The following ERBB4 variants were observed in gnomAD, a reference collection of about 807,000 sequenced individuals.
The protein encoded by ERBB4 is erb-b2 receptor tyrosine kinase 4.
Under a neutral mutation model 158.0 loss-of-function variants are expected in ERBB4, and 42 were observed. That is an observed-to-expected ratio of 0.27 (90% confidence interval 0.21 to 0.34). ERBB4 has a LOEUF of 0.34. ERBB4 is among the 10% of genes least tolerant of loss of function. The probability of loss-of-function intolerance (pLI) is 1.00; values close to 1 mark genes in which losing one functional copy is unlikely to be tolerated. For synonymous variants in ERBB4, 583 were observed against 558.7 expected (o/e 1.04, Z -0.61); for missense variants, 1,333 against 1,624.1 (o/e 0.82, Z 3.08).
chr2:211,834,937 C>G (rs749450560), intron 3 of ERBB4, among the ~76,000 whole-genome samples: 4 of 152,066 alleles, frequency 2.6e-5, no homozygotes, highest in Non-Finnish European at 4.4e-5. Context: ...AAAACCTATT[C>G]ATATATTTTA....
chr2:211,528,140 A>G, intron 20 of ERBB4, among the ~76,000 whole-genome samples: 1 of 152,056 alleles, frequency 6.6e-6, no homozygotes, highest in Admixed American at 6.5e-5. Context: ...ACACACACAG[A>G]CTGAAAATAA....
At chr2:211,593,237 CTT>C (rs1213705869) in intron 19 of ERBB4, among the ~76,000 whole-genome samples, 2 of 152,030 alleles carry the variant, frequency 1.3e-5, no homozygotes, top group Non-Finnish European at 2.9e-5. Context: ...AGCTAACAAA[CTT>C]GAAGAAGAGA....
rs140328568 is a variant in ERBB4, at chr2:212,428,293, T to C, written c.82+110156A>G. ...GTGGTTGGAACAATGCTTTAATTCA[T>C]CTTTCTTATCAGCTTATGTTTTGTA... On this transcript the variant is annotated intron_variant, in intron 1 of 27. Coordinates refer to ENST00000342788, the MANE Select transcript of ERBB4 (RefSeq NM_005235.3). 1.2e-3 allele frequency among the ~76,000 whole-genome samples: 177 copies of C among 152,310 alleles called. 2 individuals carry two copies. Among genetic ancestry groups the C allele is most frequent in the African/African-American group, 3.9e-3 (161 of 41,570 alleles).
intron 5 of ERBB4, among the ~76,000 whole-genome samples, chr2:211,745,922 T>G (rs760134774): frequency 1.6e-4 from 25 of 152,138 alleles, no homozygotes; most frequent in Non-Finnish European, 3.1e-4. Flanking sequence ...CAGGAAACAG[T>G]TGTCTCTAGA....
At chr2:211,945,984 T>G (rs1369306583) in intron 3 of ERBB4, among the ~76,000 whole-genome samples, 3 of 152,034 alleles carry the variant, frequency 2.0e-5, no homozygotes, top group Admixed American at 6.6e-5. Context: ...ATTTTTAGAT[T>G]CCTAATTTCA....
At chr2:211,833,942 G>A (rs929406381) in intron 3 of ERBB4, among the ~76,000 whole-genome samples, 2 of 152,038 alleles carry the variant, frequency 1.3e-5, no homozygotes, top group Non-Finnish European at 2.9e-5. Context: ...CTGTACCCCA[G>A]TTCACTGGAT....
chr2:212,069,515 C>T (rs2139941), intron 2 of ERBB4, among the ~76,000 whole-genome samples: 125,651 of 151,778 alleles, frequency 0.83, 53,572 homozygotes, highest in East Asian at 1. Context: ...AAGGCAAATA[C>T]GTTTACTCCT....
At chr2:211,883,926 A>G (rs2078728712) in intron 3 of ERBB4, among the ~76,000 whole-genome samples, 1 of 152,238 alleles carries the variant, frequency 6.6e-6, no homozygotes, top group African/African-American at 2.4e-5. Context: ...AATTCTATCC[A>G]TGAGGGACTG....
At position 212,322,798 on chromosome 2, in the gene ERBB4, G is replaced by T. The variant is rs543856602; in HGVS notation, c.83-197895C>A. On this transcript the variant is annotated intron_variant, in intron 1 of 27. Coordinates refer to ENST00000342788, the MANE Select transcript of ERBB4 (RefSeq NM_005235.3). ...GGGCTACAAATAATTTTGAATAGTGGATCATTATTGATATTATGGAAGCAT... is the reference window on the plus strand; with the variant it reads ...GGGCTACAAATAATTTTGAATAGTGTATCATTATTGATATTATGGAAGCAT... Among the ~76,000 whole-genome samples the T allele has an allele frequency of 5.3e-5, 8 of 150,486 alleles. No homozygotes were observed. The South Asian group carries it at 1.7e-3, about 32-fold the overall frequency.
chr2:211,424,983 A>AT (rs1354458476), intron 22 of ERBB4, among the ~76,000 whole-genome samples: 2 of 152,134 alleles, frequency 1.3e-5, no homozygotes, highest in Non-Finnish European at 2.9e-5. Context: ...TGGGACATTG[A>AT]TTTTCTCTGC....
At chr2:211,730,563 A>T (rs1318330944) in intron 5 of ERBB4, among the ~76,000 whole-genome samples, 2 of 151,970 alleles carry the variant, frequency 1.3e-5, no homozygotes, top group Non-Finnish European at 2.9e-5. Flanking sequence ...AGATCAACTA[A>T]CAGTCTTTCA....
chr2:211,775,744 C>A (rs918617901), intron 4 of ERBB4, among the ~76,000 whole-genome samples: 3 of 152,170 alleles, frequency 2.0e-5, no homozygotes, highest in Admixed American at 2.0e-4. Context: ...TTCAACCAAG[C>A]ACTCTGCTCT....
At chr2:211,730,843 C>T (rs2074404532) in intron 5 of ERBB4, among the ~76,000 whole-genome samples, 1 of 152,042 alleles carries the variant, frequency 6.6e-6, no homozygotes, top group Non-Finnish European at 1.5e-5. Context: ...TTCCAATATT[C>T]AGTCTAGAGT....
intron 2 of ERBB4, among the ~76,000 whole-genome samples, chr2:211,998,520 T>A (rs1248269295): frequency 7.8e-6 from 1 of 128,460 alleles, no homozygotes; most frequent in African/African-American, 2.8e-5. Flanking sequence ...ACTACTTAAC[T>A]CATACTGCCA....
chr2:211,696,895 C>A (rs2073044382), intron 12 of ERBB4, among the ~76,000 whole-genome samples: 1 of 152,110 alleles, frequency 6.6e-6, no homozygotes, highest in Admixed American at 6.5e-5. Flanking sequence ...GTCTCAAACT[C>A]CTGACCTCAG....
intron 1 of ERBB4, among the ~76,000 whole-genome samples, chr2:212,487,287 T>C (rs1690027287): frequency 1.3e-5 from 2 of 150,624 alleles, no homozygotes; most frequent in Admixed American, 1.3e-4. Flanking sequence ...TAATATTTTA[T>C]ATACCAAATA....
chr2:211,571,823 T>A (rs1193867537), intron 19 of ERBB4, among the ~76,000 whole-genome samples: 1 of 152,174 alleles, frequency 6.6e-6, no homozygotes, highest in Admixed American at 6.5e-5. Flanking sequence ...ATTCCAGGAA[T>A]CAACCCGTAT....
chr2:211,464,325 G>C (rs149894766), intron 20 of ERBB4, among the ~76,000 whole-genome samples: 1 of 152,190 alleles, frequency 6.6e-6, no homozygotes, highest in South Asian at 2.1e-4. Context: ...ATGAGGCACT[G>C]CGTAGAGTTA....
At chr2:211,995,120 T>C (rs1417284906) in intron 2 of ERBB4, among the ~76,000 whole-genome samples, 1 of 152,210 alleles carries the variant, frequency 6.6e-6, no homozygotes, top group African/African-American at 2.4e-5. Context: ...GCCAAGAGGA[T>C]TCATTAATTT....
Sources: allele counts gnomAD v4.1 joint callset (sites outside exome capture counted in the v4.1 genomes callset), GRCh38; gene constraint gnomAD v4.1.1; transcripts MANE v1.5; gene names NCBI Gene and HGNC (gene_info 2026-07-23, HGNC 2026-07-21).